The following SANBR variants were observed in gnomAD, a reference collection of about 807,000 sequenced individuals.
SANBR encodes SANT and BTB domain regulator of class switch recombination.
In SANBR, 77 loss-of-function variants were observed where a neutral mutation model predicts 101.8. The observed-to-expected ratio is 0.76, with a 90% CI of 0.63 to 0.91. The LOEUF is 0.91. Among genes scored for constraint, SANBR ranks in the 40% least tolerant of loss-of-function variants. The pLI is 0.00. For synonymous variants in SANBR, 279 were observed against 274.7 expected (o/e 1.02, Z -0.15); for missense variants, 875 against 853.0 (o/e 1.03, Z -0.32).
At chr2:61,080,246 C>T (rs1682037146) in intron 6 of SANBR, among the ~76,000 whole-genome samples, 1 of 149,100 alleles carries the variant, frequency 6.7e-6, no homozygotes, top group Admixed American at 6.7e-5. Context: ...TTATCTTTGA[C>T]CTTAAATCAG....
rs763280522 is a variant in SANBR, at chr2:61,073,473, C to T, written c.353C>T (p.Ala118Val). Residue 118 changes from alanine (A) to valine (V), a missense_variant, in exon 5 of 22, where the codon GCT (alanine) becomes GTT (valine). Ala to Val is a moderately conservative substitution (Grantham distance 64). Coordinates refer to ENST00000402291, the MANE Select transcript of SANBR (RefSeq NM_001129993.3). ...TGTATTTAAGGAAGACATAGTATAG[C>T]TTCCACAAGGAATTGTTCTTCAGAA... ...AVSKTGRHSI[A>V]STRNCSSESE... The T allele has an allele frequency of 1.3e-6, 2 of 1,556,248 alleles. No individual in the cohort carries two copies. The highest frequency in any genetic ancestry group is 1.2e-5 in the South Asian group (1 of 86,260).
In SANBR at chr2:61,087,805, C is replaced by G. The variant is rs927908584; in HGVS notation, c.891-354C>G. Among the ~76,000 whole-genome samples, 3 of 151,262 alleles carry G rather than the reference C, an allele frequency of 2.0e-5. No homozygotes were observed. In the South Asian group the frequency reaches 6.3e-4, roughly 32 times the overall value. On this transcript the variant is annotated intron_variant, in intron 8 of 21. Transcript: ENST00000402291. ...GGCAGAGGTTGCAGTGAGCAGAGAT[C>G]GTGCTGTTGAACTCCAGCCTGGGCG...
intron 20 of SANBR, among the ~76,000 whole-genome samples, chr2:61,130,199 A>G (rs555998302): frequency 5.3e-5 from 8 of 152,152 alleles, no homozygotes; most frequent in Admixed American, 4.6e-4. Context: ...ATTTTTTACT[A>G]TATATTTTTA....
intron 20 of SANBR, among the ~76,000 whole-genome samples, chr2:61,131,263 CTATT>C (rs2104990952): frequency 6.6e-6 from 1 of 152,086 alleles, no homozygotes; most frequent in African/African-American, 2.4e-5. Context: ...AAAACTGTAT[CTATT>C]TAGAGATGAC....
Position 61,073,451 on chromosome 2 carries a change from A to G in SANBR, c.338-7A>G, listed in dbSNP as rs777303339. On this transcript the variant is annotated splice_region_variant and splice_polypyrimidine_tract_variant and intron_variant, in intron 4 of 21. Coordinates refer to ENST00000402291, the MANE Select transcript of SANBR (RefSeq NM_001129993.3). ...TTTTTTTGTATGTGTTTGTTTCTGT[A>G]TTTAAGGAAGACATAGTATAGCTTC... The G allele has an allele frequency of 5.6e-6, 8 of 1,434,796 alleles. No individual in the cohort carries two copies. In the South Asian group the frequency reaches 7.7e-5, roughly 14 times the overall value. 88.9% of individuals were successfully genotyped at this position (1,434,796 alleles called of 1,614,324 possible). A position where few individuals can be genotyped will look rare whatever the true frequency, so the allele number is the denominator to read the frequency against.
intron 20 of SANBR, among the ~76,000 whole-genome samples, chr2:61,132,112 G>A (rs1301143079): frequency 7.6e-6 from 1 of 132,338 alleles, no homozygotes; most frequent in African/African-American, 2.9e-5. Flanking sequence ...CTTGGATTTG[G>A]CAAGGATTCT....
chr2:61,117,650 A>G (rs750089253), intron 19 of SANBR, 110 bp downstream of exon 19: 33 of 967,366 alleles, frequency 3.4e-5, no homozygotes, highest in Admixed American at 4.5e-5. Flanking sequence ...TAGCTAAAGT[A>G]AGGCCCCAAA....
chr2:61,073,743 G>A (rs949237587), intron 5 of SANBR, among the ~76,000 whole-genome samples, 192 bp downstream of exon 5: 1 of 151,666 alleles, frequency 6.6e-6, no homozygotes, highest in African/African-American at 2.4e-5. Context: ...TTGGATTACA[G>A]TTTTCTATTT....
chr2:61,102,160 T>G (rs1683317491), intron 12 of SANBR, among the ~76,000 whole-genome samples: 1 of 151,200 alleles, frequency 6.6e-6, no homozygotes, highest in Admixed American at 6.6e-5. Context: ...GATCATGAGG[T>G]CAAGAGATCG....
Position 61,088,406 on chromosome 2 carries a change from TC to T in SANBR, c.1028del (p.Pro343LeufsTer20). On this transcript the variant is annotated frameshift_variant, in exon 10 of 22. Transcript: ENST00000402291. LOFTEE classifies it high-confidence loss of function. ...TAACAAAAGAAACAGAAAGAAGAAT[TC>T]CTTGCATTCCTGGAAAAATCAATGT... ...LLTKETERRI[P>X]CIPGKINVDR... The T allele has an allele frequency of 6.2e-7, 1 of 1,608,028 alleles. No homozygotes were observed. The highest frequency in any genetic ancestry group is 8.5e-7 in the Non-Finnish European group (1 of 1,177,304).
At chr2:61,087,557 AAAAAT>A (rs1034347519) in intron 8 of SANBR, among the ~76,000 whole-genome samples, 3 of 152,100 alleles carry the variant, frequency 2.0e-5, no homozygotes, top group Non-Finnish European at 4.4e-5. Flanking sequence ...CTGTCTCTAA[AAAAAT>A]AAAATAAGGC....
At chr2:61,113,053 T>G (rs1026350262) in intron 16 of SANBR, among the ~76,000 whole-genome samples, 1 of 152,222 alleles carries the variant, frequency 6.6e-6, no homozygotes, top group African/African-American at 2.4e-5. Flanking sequence ...GCATAGCCGG[T>G]TGTTCCAGCA....
Position 61,122,227 on chromosome 2 carries a change from C to G in SANBR, c.*65C>G, listed in dbSNP as rs1461820331. On this transcript the variant is annotated 3_prime_UTR_variant, in exon 22 of 22. Transcript: ENST00000402291. Reference sequence around the variant, plus strand: ...TCTGGACATCTGAAATTGCTCACTTCTTGAAGATCTTCAGAACAATGACTT... The same window carrying G: ...TCTGGACATCTGAAATTGCTCACTTGTTGAAGATCTTCAGAACAATGACTT... 1 of 1,496,640 alleles carries G rather than the reference C, an allele frequency of 6.7e-7. No individual in the cohort carries two copies. Among genetic ancestry groups the G allele is most frequent in the Non-Finnish European group, 8.9e-7 (1 of 1,120,692 alleles). The allele number at this position is 1,496,640 out of a possible 1,614,324, so 92.7% of individuals were successfully genotyped here. A position where few individuals can be genotyped will look rare whatever the true frequency, so the allele number is the denominator to read the frequency against.
intron 8 of SANBR, among the ~76,000 whole-genome samples, chr2:61,087,650 G>A (rs1275118237): frequency 6.6e-6 from 1 of 152,044 alleles, no homozygotes; most frequent in East Asian, 1.9e-4. Context: ...AAGAGATCGA[G>A]ACCATCCTGG....
intron 13 of SANBR, 106 bp from the exon 14 acceptor site, chr2:61,106,457 G>A (rs1188423856): frequency 1.6e-6 from 1 of 638,116 alleles, no homozygotes; most frequent in Non-Finnish European, 2.7e-6. Context: ...CTCAGGAACT[G>A]TATTTCTAAA....
chr2:61,092,853 G>C (rs374090112), intron 11 of SANBR, among the ~76,000 whole-genome samples: 2 of 151,448 alleles, frequency 1.3e-5, no homozygotes, highest in African/African-American at 4.9e-5. Flanking sequence ...ATGAAACTAG[G>C]CCCGGTATGG....
At chr2:61,071,012 A>C (rs961768983) in intron 3 of SANBR, among the ~76,000 whole-genome samples, 4 of 151,710 alleles carry the variant, frequency 2.6e-5, no homozygotes, top group African/African-American at 7.3e-5. Flanking sequence ...ATGATCCACC[A>C]TACCCAGCCT....
intron 5 of SANBR, among the ~76,000 whole-genome samples, chr2:61,076,480 T>C (rs1681784907): frequency 7.3e-6 from 1 of 137,022 alleles, no homozygotes; most frequent in African/African-American, 2.8e-5. Context: ...AAAAAAAAAT[T>C]AGCTGGGCGC....
At chr2:61,120,361 G>A (rs917680820) in intron 20 of SANBR, among the ~76,000 whole-genome samples, 6 of 152,122 alleles carry the variant, frequency 3.9e-5, no homozygotes, top group Admixed American at 3.3e-4. Context: ...TTAGCTGGGC[G>A]TGGTGGTGCA....
Sources: gnomAD v4.1 joint callset for allele counts (sites outside exome capture counted in the v4.1 genomes callset) on GRCh38, gnomAD v4.1.1 for gene constraint, MANE v1.5 for transcripts, NCBI Gene and HGNC (gene_info 2026-07-23, HGNC 2026-07-21) for gene names.